The following LRP1B variants were observed in gnomAD, a reference collection of about 807,000 sequenced individuals.
LRP1B encodes low-density lipoprotein receptor-related protein 1B.
In LRP1B, 217 loss-of-function variants were observed where a neutral mutation model predicts 556.6. The ratio of observed to expected loss-of-function variants is 0.39; its 90% CI spans 0.35 to 0.44. The LOEUF (loss-of-function observed/expected upper bound fraction) is 0.44, where lower values mean the gene tolerates loss of function less well. Among genes scored for constraint, LRP1B ranks in the 20% least tolerant of loss-of-function variants. The pLI, the probability that LRP1B is intolerant of heterozygous loss-of-function variation, is 1.00. For missense variants in LRP1B, 5,053 were observed against 5,620.8 expected, an observed-to-expected ratio of 0.90 and a Z score of 3.23; for synonymous variants, 2,047 against 1,865.8, an observed-to-expected ratio of 1.10 and a Z score of -2.50.
chr2:141,548,120 T>C (rs890691806), intron 2 of LRP1B, among the ~76,000 whole-genome samples: 1 of 152,186 alleles, frequency 6.6e-6, no homozygotes, highest in African/African-American at 2.4e-5. Context: ...TTATTAGCTA[T>C]GTAGCTTTAG....
chr2:141,009,224 A>C (rs779041679), intron 14 of LRP1B, among the ~76,000 whole-genome samples: 1 of 151,238 alleles, frequency 6.6e-6, no homozygotes, highest in Non-Finnish European at 1.5e-5. Context: ...GAGATACTCG[A>C]GCTTGTAGTT....
chr2:140,356,532 G>C (rs2105130878), intron 74 of LRP1B, 56 bp from the exon 75 acceptor site: 1 of 1,266,162 alleles, frequency 7.9e-7, no homozygotes, highest in African/African-American at 1.5e-5. Flanking sequence ...GAAGTGGGGA[G>C]TTAACTTTTA....
intron 3 of LRP1B, among the ~76,000 whole-genome samples, chr2:141,472,361 G>C (rs556643936): frequency 1.2e-4 from 18 of 152,110 alleles, no homozygotes; most frequent in Non-Finnish European, 2.4e-4. Context: ...GCCTGACAGT[G>C]AAATCCCGTC....
intron 7 of LRP1B, among the ~76,000 whole-genome samples, chr2:141,183,604 T>A (rs1681107791): frequency 1.3e-5 from 2 of 151,984 alleles, no homozygotes; most frequent in South Asian, 4.1e-4. Context: ...AGGTGATGGG[T>A]TCACAAATAA....
intron 2 of LRP1B, among the ~76,000 whole-genome samples, chr2:141,640,482 C>G (rs1689289740): frequency 6.6e-6 from 1 of 152,112 alleles, no homozygotes; most frequent in African/African-American, 2.4e-5. Context: ...TACCTCAAGT[C>G]ACTTTTAATA....
intron 1 of LRP1B, among the ~76,000 whole-genome samples, chr2:141,926,769 C>T (rs930072943): frequency 2.0e-5 from 3 of 152,074 alleles, no homozygotes; most frequent in Non-Finnish European, 4.4e-5. Flanking sequence ...AATTTCATCT[C>T]CTTTTGCTAA....
intron 2 of LRP1B, among the ~76,000 whole-genome samples, chr2:141,716,027 C>A (rs1196227654): frequency 1.3e-5 from 2 of 152,122 alleles, no homozygotes; most frequent in Non-Finnish European, 2.9e-5. Flanking sequence ...CCATATCTTG[C>A]CTTTAGCAAT....
At chr2:140,714,306 A>C (rs1398001259) in intron 37 of LRP1B, among the ~76,000 whole-genome samples, 5 of 152,266 alleles carry the variant, frequency 3.3e-5, no homozygotes, top group African/African-American at 1.2e-4. Flanking sequence ...AATTGAATAA[A>C]TTGATAAAAA....
intron 7 of LRP1B, among the ~76,000 whole-genome samples, chr2:141,095,818 G>C: frequency 6.6e-6 from 1 of 152,094 alleles, no homozygotes; most frequent in Admixed American, 6.6e-5. Context: ...AGGTGTCTGC[G>C]TATTGGTTCC....
Position 141,096,621 on chromosome 2 carries a change from GGAGAGGGGGAGAGA to G in LRP1B, c.1014-34362_1014-34349del, listed in dbSNP as rs1462221816. ...ACCCTAGCCTGAATGACAAAGACGG[GGAGAGGGGGAGAGA>G]GAGAGAGAGAGAGAGAGAGAGAGAG... On this transcript the variant is annotated intron_variant, in intron 7 of 90. Coordinates refer to ENST00000389484, the MANE Select transcript of LRP1B (RefSeq NM_018557.3). Among the ~76,000 whole-genome samples the G allele has an allele frequency of 7.3e-4, 29 of 39,928 alleles. 1 individual carries two copies. Among genetic ancestry groups the G allele is most frequent in the Middle Eastern group, 0.014 (1 of 72 alleles). 26.2% of individuals were successfully genotyped at this position (39,928 alleles called of 152,430 possible).
At chr2:141,915,869 C>A (rs186289196) in intron 1 of LRP1B, among the ~76,000 whole-genome samples, 242 of 152,230 alleles carry the variant, frequency 1.6e-3, no homozygotes, top group Non-Finnish European at 2.4e-3. Context: ...CAAATCCAAA[C>A]GTCAATGAGA....
At chr2:140,690,162 A>T (rs1410742209) in intron 41 of LRP1B, among the ~76,000 whole-genome samples, 1 of 152,046 alleles carries the variant, frequency 6.6e-6, no homozygotes, top group African/African-American at 2.4e-5. Flanking sequence ...ACCAGAGAAG[A>T]AGAAAGCACC....
intron 77 of LRP1B, among the ~76,000 whole-genome samples, chr2:140,336,941 G>A (rs1681133801): frequency 6.6e-6 from 1 of 151,798 alleles, no homozygotes; most frequent in African/African-American, 2.4e-5. Flanking sequence ...ATTTGAAGGT[G>A]ATTACAACTA....
intron 66 of LRP1B, among the ~76,000 whole-genome samples, chr2:140,426,562 T>C (rs1437198042): frequency 4.6e-5 from 7 of 152,168 alleles, no homozygotes; most frequent in South Asian, 2.1e-4. Context: ...TTCTCCTGGC[T>C]CATCCTGGCT....
At chr2:141,695,697 T>C (rs554519202) in intron 2 of LRP1B, among the ~76,000 whole-genome samples, 55 of 152,042 alleles carry the variant, frequency 3.6e-4, no homozygotes, top group African/African-American at 1.3e-3. Context: ...CCCTTAATAA[T>C]TTAATGCCAC....
intron 11 of LRP1B, among the ~76,000 whole-genome samples, chr2:141,021,057 A>C (rs74398209): frequency 1.7e-3 from 258 of 152,066 alleles, no homozygotes; most frequent in African/African-American, 6.0e-3. Flanking sequence ...CTTTTCTCTC[A>C]AAACCAAGGT....
chr2:140,258,431 TC>T (rs1483586906), intron 86 of LRP1B, among the ~76,000 whole-genome samples: 2 of 152,130 alleles, frequency 1.3e-5, no homozygotes, highest in African/African-American at 2.4e-5. Flanking sequence ...GTAGCCCCCT[TC>T]CCAGTCGCTA....
intron 3 of LRP1B, among the ~76,000 whole-genome samples, chr2:141,413,035 T>C (rs549253418): frequency 6.6e-6 from 1 of 152,086 alleles, no homozygotes; most frequent in Middle Eastern, 3.2e-3. Context: ...AGTAACAGCC[T>C]GGACAGCACA....
chr2:141,875,248 G>A (rs1041670138), intron 1 of LRP1B, among the ~76,000 whole-genome samples: 1 of 151,736 alleles, frequency 6.6e-6, no homozygotes, highest in African/African-American at 2.4e-5. Flanking sequence ...GGGCTGAAGT[G>A]ATTCTCCTTC....
Sources: allele counts gnomAD v4.1 joint callset (sites outside exome capture counted in the v4.1 genomes callset), GRCh38; gene constraint gnomAD v4.1.1; transcripts MANE v1.5; gene names NCBI Gene and HGNC (gene_info 2026-07-23, HGNC 2026-07-21).